FMN1: variants seen among roughly 807,000 people sequenced by gnomAD.
The protein encoded by FMN1 is formin 1.
In FMN1, 110 loss-of-function variants were observed where a neutral mutation model predicts 132.4. The observed-to-expected ratio is 0.83, with a 90% CI of 0.71 to 0.97. The LOEUF (loss-of-function observed/expected upper bound fraction) is 0.97, where lower values mean the gene tolerates loss of function less well. Among genes scored for constraint, FMN1 ranks in the 50% least tolerant of loss-of-function variants. The pLI is 0.00. For synonymous variants in FMN1, 722 were observed against 651.7 expected (o/e 1.11, Z -1.64); for missense variants, 1,792 against 1,705.3 (o/e 1.05, Z -0.90).
At chr15:32,983,938 G>A (rs1269888197) in intron 7 of FMN1, among the ~76,000 whole-genome samples, 3 of 152,128 alleles carry the variant, frequency 2.0e-5, no homozygotes, top group Non-Finnish European at 2.9e-5. Context: ...GCAGCTACGT[G>A]GGAACATGGC....
intron 6 of FMN1, among the ~76,000 whole-genome samples, chr15:33,062,314 T>A (rs1354683182): frequency 6.6e-6 from 1 of 152,190 alleles, no homozygotes; most frequent in Non-Finnish European, 1.5e-5. Flanking sequence ...TTAGTAAAAC[T>A]CATTTAAAGA....
In FMN1 at chr15:32,848,977, G is replaced by GTTT. The variant is rs71113479; in HGVS notation, c.3928+8035_3928+8037dup. 3.4e-3 allele frequency among the ~76,000 whole-genome samples: 305 copies of GTTT among 89,536 alleles called. 35 individuals carry two copies. Among genetic ancestry groups the GTTT allele is most frequent in the South Asian group, 5.4e-3 (11 of 2,050 alleles). 58.7% of individuals were successfully genotyped at this position (89,536 alleles called of 152,430 possible). A position where few individuals can be genotyped will look rare whatever the true frequency, so the allele number is the denominator to read the frequency against. ...ATCAGTCTTGGGTTAGTTCTCTTTT[G>GTTT]TTTTTTTTTTTTTTTTTTTTTTCAG... On this transcript the variant is annotated intron_variant, in intron 17 of 20. Coordinates refer to ENST00000616417, the MANE Select transcript of FMN1 (RefSeq NM_001277313.2).
chr15:32,868,105 G>A (rs2059434854), intron 16 of FMN1, among the ~76,000 whole-genome samples: 1 of 152,184 alleles, frequency 6.6e-6, no homozygotes, highest in Non-Finnish European at 1.5e-5. Flanking sequence ...TCAGAATGAT[G>A]CTTCTGTCAA....
chr15:32,947,567 T>A (rs75935004), intron 9 of FMN1, among the ~76,000 whole-genome samples: 2,916 of 152,194 alleles, frequency 0.019, 85 homozygotes, highest in African/African-American at 0.063. Context: ...TTCTTAGATT[T>A]TGATTGAAAT....
Position 33,153,634 on chromosome 15 carries a change from ACTCT to A in FMN1, c.1277_1280del (p.Glu426ValfsTer4). The A allele has an allele frequency of 6.5e-7, 1 of 1,535,454 alleles. No individual in the cohort carries two copies. The stretch of plus-strand genomic sequence containing the variant: ...CCTCAGGGGCTTCATCTAACTTCTC[ACTCT>A]CTATCACCTTCAGGGGGACCTTGTT... On this transcript the variant is annotated frameshift_variant, in exon 4 of 21. Coordinates refer to ENST00000616417, the MANE Select transcript of FMN1 (RefSeq NM_001277313.2). LOFTEE classifies it high-confidence loss of function.
chr15:32,881,537 A>G (rs370801679), intron 16 of FMN1, among the ~76,000 whole-genome samples: 1 of 152,200 alleles, frequency 6.6e-6, no homozygotes, highest in Non-Finnish European at 1.5e-5. Flanking sequence ...CGTTTCCACC[A>G]AAGTCCTCCA....
intron 13 of FMN1, among the ~76,000 whole-genome samples, chr15:32,901,286 A>G (rs2060289500): frequency 6.6e-6 from 1 of 152,236 alleles, no homozygotes; most frequent in African/African-American, 2.4e-5. Context: ...CTACTGAAAT[A>G]TCTCATATCT....
chr15:33,088,783 C>G lies in FMN1; in HGVS notation c.2043+16G>C, dbSNP rs775935180. 4 of 1,531,294 alleles carry G rather than the reference C, an allele frequency of 2.6e-6. No individual in the cohort carries two copies. In the South Asian group the frequency reaches 4.8e-5, roughly 18 times the overall value. 94.9% of individuals were successfully genotyped at this position (1,531,294 alleles called of 1,614,324 possible). A position where few individuals can be genotyped will look rare whatever the true frequency, so the allele number is the denominator to read the frequency against. ...CCACAAAGAACCACAGCACAATCACCAAGATTTCTACTTACATGGAGATCC... is the reference window on the plus strand; with the variant it reads ...CCACAAAGAACCACAGCACAATCACGAAGATTTCTACTTACATGGAGATCC... On this transcript the variant is annotated intron_variant, in intron 5 of 20. Transcript: ENST00000616417.
At chr15:33,078,916 G>T (rs970045079) in intron 5 of FMN1, among the ~76,000 whole-genome samples, 3 of 152,188 alleles carry the variant, frequency 2.0e-5, no homozygotes, top group Non-Finnish European at 2.9e-5. Context: ...TAAGTTTAGT[G>T]AATGCAGACA....
chr15:32,905,116 G>A (rs1192421998), intron 12 of FMN1, among the ~76,000 whole-genome samples: 1 of 152,156 alleles, frequency 6.6e-6, no homozygotes, highest in African/African-American at 2.4e-5. Flanking sequence ...AATACTTCTA[G>A]GAAGGACTGC....
intron 9 of FMN1, among the ~76,000 whole-genome samples, chr15:32,949,966 C>CGTAT (rs1164364044): frequency 4.1e-4 from 3 of 7,404 alleles, no homozygotes; most frequent in African/African-American, 1.5e-3. Flanking sequence ...TATATATATA[C>CGTAT]ACACATATAT....
chr15:32,791,196 AG>A (rs929518133), intron 19 of FMN1, among the ~76,000 whole-genome samples: 3 of 151,040 alleles, frequency 2.0e-5, no homozygotes, highest in African/African-American at 7.3e-5. Context: ...AGGTTCTCAG[AG>A]GGCCATGCTA....
At chr15:32,924,773 A>G (rs910579538) in intron 10 of FMN1, among the ~76,000 whole-genome samples, 2 of 152,124 alleles carry the variant, frequency 1.3e-5, no homozygotes, top group Non-Finnish European at 2.9e-5. Context: ...AATTAGCTGT[A>G]TGTTATGGCG....
intron 16 of FMN1, among the ~76,000 whole-genome samples, chr15:32,865,942 G>A (rs2059382810): frequency 6.6e-6 from 1 of 151,866 alleles, no homozygotes; most frequent in South Asian, 2.1e-4. Flanking sequence ...CTAACTTTTG[G>A]AAAATTAAAA....
In FMN1 at chr15:33,121,458, T is replaced by A. The variant is rs192801959; in HGVS notation, c.1867+31590A>T. Among the ~76,000 whole-genome samples, 292 of 152,324 alleles carry A rather than the reference T, an allele frequency of 1.9e-3. 1 individual carries two copies. The highest frequency in any genetic ancestry group is 6.3e-3 in the African/African-American group (263 of 41,584). The stretch of plus-strand genomic sequence containing the variant: ...TTCCAGTATTACATGTAGTTCTATA[T>A]GATACAAAGGTAGAAATCATTTGTC... On this transcript the variant is annotated intron_variant, in intron 4 of 20. Coordinates refer to ENST00000616417, the MANE Select transcript of FMN1 (RefSeq NM_001277313.2).
intron 4 of FMN1, among the ~76,000 whole-genome samples, chr15:33,106,867 G>A (rs2039507459): frequency 6.6e-6 from 1 of 151,986 alleles, no homozygotes; most frequent in South Asian, 2.1e-4. Context: ...CCAAAGATAT[G>A]TGCAGAATCT....
At position 32,771,478 on chromosome 15, in the gene FMN1, A is replaced by G. The variant is rs1228024859; in HGVS notation, c.*2832T>C. 1.3e-5 allele frequency: 2 copies of G among 152,200 alleles called. No homozygotes were observed. The highest frequency in any genetic ancestry group is 2.1e-4 in the South Asian group (1 of 4,832). The allele number at this position is 152,200 out of a possible 1,614,324, so 9.4% of individuals were successfully genotyped here. Reference sequence around the variant, plus strand: ...GATATTGTGTGCTCTGATGCTGTCAATTGCTCATGCAAGAATCTGAACTAC... The same window carrying G: ...GATATTGTGTGCTCTGATGCTGTCAGTTGCTCATGCAAGAATCTGAACTAC... On this transcript the variant is annotated 3_prime_UTR_variant, in exon 21 of 21. Transcript: ENST00000616417.
At chr15:32,789,503 C>T (rs769714474) in intron 19 of FMN1, among the ~76,000 whole-genome samples, 2 of 152,156 alleles carry the variant, frequency 1.3e-5, no homozygotes, top group African/African-American at 4.8e-5. Flanking sequence ...AGACAGACCT[C>T]ATATATGATG....
intron 3 of FMN1, among the ~76,000 whole-genome samples, chr15:33,168,164 T>C (rs191424929): frequency 1.4e-4 from 21 of 152,294 alleles, no homozygotes; most frequent in Middle Eastern, 3.4e-3. Flanking sequence ...AGTCACAGAA[T>C]TGGAACTTGA....
Sources: allele counts gnomAD v4.1 joint callset (sites outside exome capture counted in the v4.1 genomes callset), GRCh38; gene constraint gnomAD v4.1.1; transcripts MANE v1.5; gene names NCBI Gene and HGNC (gene_info 2026-07-23, HGNC 2026-07-21).